CDH13: variants seen among roughly 807,000 people sequenced by gnomAD.
CDH13 encodes cadherin 13.
In CDH13, 24 loss-of-function variants were observed where a neutral mutation model predicts 63.8. The ratio of observed to expected loss-of-function variants is 0.38; its 90% CI spans 0.27 to 0.53. The LOEUF (loss-of-function observed/expected upper bound fraction) is 0.53. Ranked by LOEUF, CDH13 falls within the 20% of genes least tolerant of loss-of-function variation. The probability of loss-of-function intolerance (pLI) is 0.85; values close to 1 mark genes in which losing one functional copy is unlikely to be tolerated. For missense variants in CDH13, 1,049 were observed against 903.1 expected, an observed-to-expected ratio of 1.16 and a Z score of -2.07; for synonymous variants, 503 against 355.3, an observed-to-expected ratio of 1.42 and a Z score of -4.67.
In CDH13 at chr16:82,680,528, G is replaced by A. The variant is rs556136313; in HGVS notation, c.45+53391G>A. 2.0e-4 allele frequency among the ~76,000 whole-genome samples: 31 copies of A among 152,192 alleles called. No homozygotes were observed. The South Asian group carries it at 4.2e-3, about 20-fold the overall frequency. On this transcript the variant is annotated intron_variant, in intron 1 of 13. Coordinates refer to ENST00000567109, the MANE Select transcript of CDH13 (RefSeq NM_001257.5). ...TGTGGATAGGACAGATTATTTCTGC[G>A]CTCCAAAGTTATGAATATATATACT...
chr16:83,231,033 C>T (rs149708912), intron 5 of CDH13, among the ~76,000 whole-genome samples: 3 of 152,350 alleles, frequency 2.0e-5, no homozygotes, highest in East Asian at 1.9e-4. Context: ...CTCTGACCTT[C>T]GCCCAGCTCT....
intron 2 of CDH13, among the ~76,000 whole-genome samples, chr16:83,006,155 G>C (rs1261842922): frequency 1.3e-5 from 2 of 152,048 alleles, no homozygotes; most frequent in African/African-American, 4.8e-5. Flanking sequence ...TCATCTACTG[G>C]CAGCTCAGTG....
chr16:83,692,725 A>T (rs760348702), intron 10 of CDH13, among the ~76,000 whole-genome samples: 14 of 152,272 alleles, frequency 9.2e-5, no homozygotes, highest in African/African-American at 1.7e-4. Flanking sequence ...CTGTCTCTAG[A>T]AACTACCCCA....
chr16:83,703,738 A>G (rs1183681847), intron 10 of CDH13, among the ~76,000 whole-genome samples: 1 of 152,176 alleles, frequency 6.6e-6, no homozygotes, highest in Non-Finnish European at 1.5e-5. Flanking sequence ...GGGCAAGGAG[A>G]CTAAGAAAAC....
At position 82,703,447 on chromosome 16, in the gene CDH13, G is replaced by A. The variant is rs529649166; in HGVS notation, c.45+76310G>A. 6.6e-5 allele frequency among the ~76,000 whole-genome samples: 10 copies of A among 152,246 alleles called. No homozygotes were observed. In the South Asian group the frequency reaches 2.1e-3, roughly 32 times the overall value. On this transcript the variant is annotated intron_variant, in intron 1 of 13. Coordinates refer to ENST00000567109, the MANE Select transcript of CDH13 (RefSeq NM_001257.5). The stretch of plus-strand genomic sequence containing the variant: ...CAGCTCTCAACCAGGGATGAATACA[G>A]ATGGAGGATAAATTTCCCCACTCCC...
intron 10 of CDH13, among the ~76,000 whole-genome samples, chr16:83,733,528 G>C (rs403740): frequency 0.8 from 121,628 of 152,102 alleles, 49,190 homozygotes; most frequent in African/African-American, 0.88. Flanking sequence ...CATTCACTGA[G>C]CTTCAAGTCA....
intron 2 of CDH13, among the ~76,000 whole-genome samples, chr16:82,870,073 C>T (rs954026466): frequency 2.4e-4 from 36 of 151,862 alleles, no homozygotes; most frequent in Non-Finnish European, 2.4e-4. Flanking sequence ...GAGAACCACC[C>T]GTTTAATGAG....
intron 2 of CDH13, among the ~76,000 whole-genome samples, chr16:82,986,023 G>C (rs550909316): frequency 6.6e-6 from 1 of 152,138 alleles, no homozygotes; most frequent in Non-Finnish European, 1.5e-5. Flanking sequence ...AGAACCATGA[G>C]CCAATTACAC....
At chr16:83,021,804 C>A (rs1163275100) in intron 2 of CDH13, among the ~76,000 whole-genome samples, 1 of 152,206 alleles carries the variant, frequency 6.6e-6, no homozygotes, top group Non-Finnish European at 1.5e-5. Context: ...TATAGAAGCT[C>A]TGCAATGTCA....
At chr16:83,416,151 G>A (rs1264589889) in intron 6 of CDH13, among the ~76,000 whole-genome samples, 3 of 152,048 alleles carry the variant, frequency 2.0e-5, no homozygotes, top group Non-Finnish European at 4.4e-5. Context: ...CTTTACAATA[G>A]TACCAAAAAG....
At chr16:83,202,310 G>A (rs1222809200) in intron 4 of CDH13, among the ~76,000 whole-genome samples, 1 of 152,162 alleles carries the variant, frequency 6.6e-6, no homozygotes, top group Non-Finnish European at 1.5e-5. Flanking sequence ...GAGGGGATGT[G>A]GACAAACTCA....
intron 1 of CDH13, among the ~76,000 whole-genome samples, chr16:82,636,438 G>T (rs1394210916): frequency 1.3e-5 from 2 of 152,184 alleles, no homozygotes; most frequent in Non-Finnish European, 2.9e-5. Context: ...TGACCGACGT[G>T]CAGCCTGTAC....
intron 3 of CDH13, among the ~76,000 whole-genome samples, chr16:83,037,269 C>A (rs1009124770): frequency 6.6e-6 from 1 of 152,182 alleles, no homozygotes; most frequent in Non-Finnish European, 1.5e-5. Context: ...GAGATTACCC[C>A]TTCCTGCAGA....
chr16:83,402,638 G>A (rs764438626), intron 6 of CDH13, among the ~76,000 whole-genome samples: 5 of 152,262 alleles, frequency 3.3e-5, no homozygotes, highest in Non-Finnish European at 5.9e-5. Context: ...TTGATAAATC[G>A]TTGATAATAT....
At chr16:82,739,329 T>C (rs140554325) in intron 1 of CDH13, among the ~76,000 whole-genome samples, 2 of 152,192 alleles carry the variant, frequency 1.3e-5, no homozygotes, top group African/African-American at 2.4e-5. Context: ...AAGATGGGGC[T>C]AGATGTGAGG....
chr16:83,412,918 A>C (rs149969500), intron 6 of CDH13, among the ~76,000 whole-genome samples: 263 of 152,340 alleles, frequency 1.7e-3, no homozygotes, highest in Non-Finnish European at 3.0e-3. Context: ...TTTTTTAAAG[A>C]AATGTAACTG....
At chr16:82,672,873 G>C (rs1041935503) in intron 1 of CDH13, among the ~76,000 whole-genome samples, 3 of 151,476 alleles carry the variant, frequency 2.0e-5, no homozygotes, top group Non-Finnish European at 2.9e-5. Flanking sequence ...GGAGTGCAGT[G>C]ACATGATCAT....
intron 7 of CDH13, among the ~76,000 whole-genome samples, chr16:83,486,961 T>C (rs1356015102): frequency 6.6e-6 from 1 of 152,140 alleles, no homozygotes; most frequent in East Asian, 1.9e-4. Flanking sequence ...TGGCCCCTGC[T>C]TTAATGCTAG....
chr16:83,005,339 C>G (rs1285936287), intron 2 of CDH13, among the ~76,000 whole-genome samples: 4 of 152,200 alleles, frequency 2.6e-5, no homozygotes, highest in Admixed American at 2.6e-4. Flanking sequence ...CCCCTCCTCA[C>G]TCTTTCTCCC....
Sources: gnomAD v4.1 joint callset for allele counts (sites outside exome capture counted in the v4.1 genomes callset) on GRCh38, gnomAD v4.1.1 for gene constraint, MANE v1.5 for transcripts, NCBI Gene and HGNC (gene_info 2026-07-23, HGNC 2026-07-21) for gene names.